The following SLC5A8 variants were observed in gnomAD, a reference collection of about 807,000 sequenced individuals.
SLC5A8 encodes sodium-coupled monocarboxylate transporter 1.
A neutral mutation model predicts 71.9 loss-of-function variants in SLC5A8; 55 were observed. The observed-to-expected ratio is 0.77, with a 90% CI of 0.62 to 0.96. The LOEUF (loss-of-function observed/expected upper bound fraction) is 0.96. Ranked by LOEUF, SLC5A8 falls within the 40% of genes least tolerant of loss-of-function variation. The pLI is 0.00. For synonymous variants in SLC5A8, 307 were observed against 276.1 expected (o/e 1.11, Z -1.11); for missense variants, 701 against 745.3 (o/e 0.94, Z 0.69).
chr12:101,186,074 G>A (rs1051218343), intron 7 of SLC5A8, among the ~76,000 whole-genome samples: 6 of 140,278 alleles, frequency 4.3e-5, no homozygotes, highest in East Asian at 2.2e-4. Context: ...GTAGGAAGCC[G>A]TAGGGATTTT....
At chr12:101,205,089 C>T (rs1869622646) in intron 1 of SLC5A8, among the ~76,000 whole-genome samples, 1 of 152,182 alleles carries the variant, frequency 6.6e-6, no homozygotes, top group South Asian at 2.1e-4. Context: ...TGCCCTGCCT[C>T]TTCTGACCAA....
intron 5 of SLC5A8, among the ~76,000 whole-genome samples, chr12:101,193,134 G>A (rs1289825154): frequency 6.6e-6 from 1 of 151,940 alleles, no homozygotes; most frequent in Non-Finnish European, 1.5e-5. Flanking sequence ...ACCACACCTG[G>A]CTAATTTTTT....
intron 10 of SLC5A8, among the ~76,000 whole-genome samples, chr12:101,176,176 T>A (rs2137136693): frequency 6.6e-6 from 1 of 152,080 alleles, no homozygotes; most frequent in African/African-American, 2.4e-5. Flanking sequence ...CAACCATTAA[T>A]CAATGGAAAG....
chr12:101,209,425 A>T, intron 1 of SLC5A8, 73 bp downstream of exon 1: 1 of 1,211,032 alleles, frequency 8.3e-7, no homozygotes, highest in Non-Finnish European at 1.1e-6. Context: ...TGCCCCCAAG[A>T]AAACGCCTCC....
At chr12:101,177,790 T>C (rs77937597) in intron 10 of SLC5A8, among the ~76,000 whole-genome samples, 2,142 of 152,180 alleles carry the variant, frequency 0.014, 43 homozygotes, top group South Asian at 0.054. Flanking sequence ...GAATAGAGAA[T>C]AGGAATAGAG....
At chr12:101,190,728 G>A (rs1473859943) in intron 5 of SLC5A8, 120 bp from the exon 6 acceptor site, 4 of 673,330 alleles carry the variant, frequency 5.9e-6, no homozygotes, top group Non-Finnish European at 8.6e-6. Context: ...ACATAAATAT[G>A]TAAAAATTTA....
At chr12:101,158,160 T>G in intron 14 of SLC5A8, 89 bp downstream of exon 14, 1 of 930,962 alleles carries the variant, frequency 1.1e-6, no homozygotes, top group Non-Finnish European at 1.7e-6. Context: ...GTCCATCACT[T>G]TTCAAGAAAG....
intron 6 of SLC5A8, among the ~76,000 whole-genome samples, chr12:101,189,931 C>T (rs1476011070): frequency 2.0e-5 from 3 of 152,202 alleles, no homozygotes; most frequent in African/African-American, 7.2e-5. Flanking sequence ...ATTTCTTATG[C>T]TCCTTTTACA....
At chr12:101,209,119 A>G (rs2137176281) in intron 1 of SLC5A8, among the ~76,000 whole-genome samples, 1 of 152,324 alleles carries the variant, frequency 6.6e-6, no homozygotes, top group East Asian at 1.9e-4. Context: ...TTCAAGAAGC[A>G]GGGCCTGAGA....
At chr12:101,174,847 G>A (rs2051864559) in intron 10 of SLC5A8, among the ~76,000 whole-genome samples, 1 of 152,194 alleles carries the variant, frequency 6.6e-6, no homozygotes, top group Non-Finnish European at 1.5e-5. Context: ...GTCAGAGAAA[G>A]CTGGCTAAAA....
At chr12:101,187,931 A>T (rs1195732026) in intron 6 of SLC5A8, among the ~76,000 whole-genome samples, 1 of 152,276 alleles carries the variant, frequency 6.6e-6, no homozygotes, top group Non-Finnish European at 1.5e-5. Flanking sequence ...TAACATTTAC[A>T]CAGTAACTCA....
At chr12:101,175,444 C>A (rs1179145680) in intron 10 of SLC5A8, among the ~76,000 whole-genome samples, 2 of 152,010 alleles carry the variant, frequency 1.3e-5, no homozygotes, top group African/African-American at 4.8e-5. Flanking sequence ...AGACATAAAT[C>A]TCTTTCAGAC....
intron 10 of SLC5A8, among the ~76,000 whole-genome samples, chr12:101,177,243 C>G (rs76150145): frequency 0.014 from 2,141 of 149,340 alleles, 42 homozygotes; most frequent in South Asian, 0.055. Context: ...AGCTCTGTAA[C>G]TATTAAGGAA....
intron 12 of SLC5A8, among the ~76,000 whole-genome samples, chr12:101,165,146 C>T (rs968368439): frequency 6.6e-6 from 1 of 152,054 alleles, no homozygotes; most frequent in Non-Finnish European, 1.5e-5. Context: ...AAATAAATGG[C>T]CAGCACAGTG....
chr12:101,198,671 G>A (rs577829246), intron 3 of SLC5A8, among the ~76,000 whole-genome samples: 3 of 151,920 alleles, frequency 2.0e-5, no homozygotes, highest in Non-Finnish European at 4.4e-5. Context: ...CAAAGAGTAG[G>A]CCCAGATGCC....
intron 2 of SLC5A8, among the ~76,000 whole-genome samples, chr12:101,203,380 C>T (rs1441776865): frequency 6.6e-6 from 1 of 152,116 alleles, no homozygotes; most frequent in African/African-American, 2.4e-5. Flanking sequence ...CAGAGTCTTG[C>T]CCTGTCACCC....
At chr12:101,200,809 C>G (rs10860698) in intron 3 of SLC5A8, among the ~76,000 whole-genome samples, 30,129 of 151,884 alleles carry the variant, frequency 0.2, 3,148 homozygotes, top group African/African-American at 0.24. Flanking sequence ...TTAAGGGGCT[C>G]TATTCTCTCT....
At chr12:101,191,773 A>G (rs1486455485) in intron 5 of SLC5A8, among the ~76,000 whole-genome samples, 2 of 152,248 alleles carry the variant, frequency 1.3e-5, no homozygotes, top group Admixed American at 1.3e-4. Flanking sequence ...CTCAAAACAT[A>G]TCAGAATAAC....
chr12:101,195,899 G>C (rs1370078116), intron 3 of SLC5A8, among the ~76,000 whole-genome samples: 2 of 151,950 alleles, frequency 1.3e-5, no homozygotes, highest in Non-Finnish European at 2.9e-5. Context: ...GTTTCACCAT[G>C]TTGGACAGGA....
Sources: allele counts gnomAD v4.1 joint callset (sites outside exome capture counted in the v4.1 genomes callset), GRCh38; gene constraint gnomAD v4.1.1; transcripts MANE v1.5; gene names NCBI Gene and HGNC (gene_info 2026-07-23, HGNC 2026-07-21).